MIB1: variants seen among roughly 807,000 people sequenced by gnomAD.
The protein encoded by MIB1 is MIB E3 ubiquitin protein ligase 1, also known as E3 ubiquitin-protein ligase MIB1.
In MIB1, 278 loss-of-function variants were observed where a neutral mutation model predicts 124.5. The ratio of observed to expected loss-of-function variants is 2.23; its 90% CI spans 2.02 to 2.47. The LOEUF (loss-of-function observed/expected upper bound fraction) is 2.47. MIB1 is among the 30% of genes most tolerant of loss of function. MIB1 has a pLI of 0.00. For missense variants in MIB1, 957 were observed against 1,254.4 expected (o/e 0.76, Z 3.58); for synonymous variants, 446 against 429.4 (o/e 1.04, Z -0.48).
intron 15 of MIB1, among the ~76,000 whole-genome samples, chr18:21,845,016 CT>C (rs565684956): frequency 1.3e-3 from 185 of 143,950 alleles, no homozygotes; most frequent in Admixed American, 1.2e-3. Flanking sequence ...TCTTTTCATT[CT>C]TTTTTTTTTT....
chr18:21,748,474 G>T (rs1178737933), intron 1 of MIB1, among the ~76,000 whole-genome samples: 1 of 147,154 alleles, frequency 6.8e-6, no homozygotes. Flanking sequence ...TTGTCCCCCA[G>T]GCCAGAGTGC....
Position 21,849,194 on chromosome 18 carries a change from A to T in MIB1, c.2394-2A>T. The T allele has an allele frequency of 1.3e-6, 2 of 1,523,864 alleles. No homozygotes were observed. The highest frequency in any genetic ancestry group is 1.8e-6 in the Non-Finnish European group (2 of 1,133,408). 94.4% of individuals were successfully genotyped at this position (1,523,864 alleles called of 1,614,324 possible). On this transcript the variant is annotated splice_acceptor_variant, in intron 16 of 20. Coordinates refer to ENST00000261537, the MANE Select transcript of MIB1 (RefSeq NM_020774.4). LOFTEE classifies it high-confidence loss of function. ...TTGATTTGAAATACTTTCTTTTATT[A>T]GTGGTCAAGTGGGTTCTCGGAGTCC...
chr18:21,815,869 A>ATT, intron 11 of MIB1, 56 bp downstream of exon 11: 1 of 1,468,836 alleles, frequency 6.8e-7, no homozygotes, highest in East Asian at 2.3e-5. Flanking sequence ...TATTAAAGGG[A>ATT]AACATTAAGT....
intron 11 of MIB1, among the ~76,000 whole-genome samples, chr18:21,817,217 A>C (rs978541780): frequency 7.9e-6 from 1 of 125,900 alleles, no homozygotes; most frequent in Non-Finnish European, 1.5e-5. Flanking sequence ...GCTGGAATTC[A>C]GTGGCGTGAT....
chr18:21,705,658 T>C (rs1387949965), intron 1 of MIB1, among the ~76,000 whole-genome samples: 1 of 152,222 alleles, frequency 6.6e-6, no homozygotes, highest in Admixed American at 6.5e-5. Context: ...GTCTAGATTA[T>C]GAAAAATGCC....
At chr18:21,713,706 C>G (rs986490581) in intron 1 of MIB1, among the ~76,000 whole-genome samples, 1 of 148,870 alleles carries the variant, frequency 6.7e-6, no homozygotes, top group Non-Finnish European at 1.5e-5. Flanking sequence ...CTTGGCCTCC[C>G]AAAATGCTAG....
intron 6 of MIB1, among the ~76,000 whole-genome samples, chr18:21,781,373 A>ATATATATG (rs1555690748): frequency 3.3e-5 from 1 of 29,914 alleles, no homozygotes; most frequent in East Asian, 1.4e-3. Context: ...AGTTATATAT[A>ATATATATG]TATATATATA....
chr18:21,843,054 C>T, intron 13 of MIB1, 77 bp from the exon 14 acceptor site: 6 of 998,806 alleles, frequency 6.0e-6, no homozygotes, highest in Admixed American at 2.3e-5. Flanking sequence ...TTATTTATTC[C>T]TTATGAGTAG....
At position 21,731,786 on chromosome 18, in the gene MIB1, T is replaced by G. The variant is rs576402599; in HGVS notation, n.167+26663T>G. Among the ~76,000 whole-genome samples, 160 of 148,454 alleles carry G rather than the reference T, an allele frequency of 1.1e-3. No individual in the cohort carries two copies. In the Middle Eastern group the frequency reaches 0.014, roughly 13 times the overall value. On this transcript the variant is annotated intron_variant and non_coding_transcript_variant, in intron 1 of 20. Coordinates refer to the MIB1 transcript ENST00000578646. ...TGTTGTGAACATCTGTGTACAAAACTTTGTATGAATATGGAGACTTCAAAA... is the reference window on the plus strand; with the variant it reads ...TGTTGTGAACATCTGTGTACAAAACGTTGTATGAATATGGAGACTTCAAAA...
intron 13 of MIB1, 58 bp from the exon 14 acceptor site, chr18:21,843,073 T>C (rs770219352): frequency 1.6e-6 from 2 of 1,269,080 alleles, no homozygotes; most frequent in African/African-American, 1.5e-5. Flanking sequence ...AGTTATAGTT[T>C]TCATGTTCTT....
chr18:21,864,307 T>G (rs973931975), intron 20 of MIB1, among the ~76,000 whole-genome samples: 30 of 152,184 alleles, frequency 2.0e-4, no homozygotes, highest in Non-Finnish European at 1.5e-5. Context: ...TTTAATCTTA[T>G]GTAGTACCTT....
At position 21,741,535 on chromosome 18, in the gene MIB1, AGCGGCG is replaced by A. The variant is rs755675508; in HGVS notation, c.-34_-29del. 96 of 1,231,436 alleles carry A rather than the reference AGCGGCG, an allele frequency of 7.8e-5. No individual in the cohort carries two copies. In the Admixed American group the frequency reaches 3.1e-3, roughly 39 times the overall value. The allele number at this position is 1,231,436 out of a possible 1,614,324, so 76.3% of individuals were successfully genotyped here. On this transcript the variant is annotated 5_prime_UTR_variant, in exon 1 of 21. Transcript: ENST00000261537. This position sits in a 1 kb window ranked among gnomAD's most constrained non-coding sequence, Gnocchi z 5.4. Reference sequence around the variant, plus strand: ...ACTCCCTCACGGGCCCCCCGGCGGCAGCGGCGGCGGCGGCGGCGGCAGCGGCGGAGC... The same window carrying A: ...ACTCCCTCACGGGCCCCCCGGCGGCAGCGGCGGCGGCGGCAGCGGCGGAGC...
In MIB1 at chr18:21,857,210, G is replaced by A. The variant is rs147206277; in HGVS notation, c.2746G>A (p.Gly916Arg). 350 of 1,613,852 alleles carry A rather than the reference G, an allele frequency of 2.2e-4. No individual in the cohort carries two copies. Among genetic ancestry groups the A allele is most frequent in the Non-Finnish European group, 2.9e-4 (338 of 1,179,846 alleles). ...RRVPFIMCCG[G>R]KSSEDATDDI... The stretch of plus-strand genomic sequence containing the variant: ...AGTGCCTTTCATTATGTGCTGTGGA[G>A]GGAAAAGTTCAGAAGATGCCACTGA... Residue 916 changes from glycine to arginine, a missense_variant, in exon 19 of 21, where the codon GGG (glycine) becomes AGG (arginine). Physicochemically the swap from Gly to Arg is moderately radical, Grantham distance 125. Transcript: ENST00000261537.
intron 20 of MIB1, among the ~76,000 whole-genome samples, chr18:21,863,208 T>C (rs1490443217): frequency 6.6e-6 from 1 of 152,170 alleles, no homozygotes; most frequent in Non-Finnish European, 1.5e-5. Context: ...CCTGAGGGCA[T>C]GTTAGAGTGC....
At chr18:21,739,932 AAAC>A (rs1326914814), upstream of MIB1, among the ~76,000 whole-genome samples, 35 of 150,828 alleles carry the variant, frequency 2.3e-4, no homozygotes, top group Non-Finnish European at 4.3e-4. Context: ...GCAAAAAAAA[AAAC>A]AACAACAAAA....
At chr18:21,707,395 C>G (rs184151381) in intron 1 of MIB1, among the ~76,000 whole-genome samples, 1 of 152,110 alleles carries the variant, frequency 6.6e-6, no homozygotes, top group Non-Finnish European at 1.5e-5. Flanking sequence ...TGGGTGGGGC[C>G]GATAAGGGAA....
intron 1 of MIB1, 41 bp from the exon 2 acceptor site, chr18:21,765,731 A>C (rs1262545302): frequency 6.4e-7 from 1 of 1,565,882 alleles, no homozygotes; most frequent in East Asian, 2.3e-5. Flanking sequence ...CAAATAAATA[A>C]AATTTGTGAT....
In MIB1 at chr18:21,787,783, G is replaced by C. The variant is rs900954742; in HGVS notation, c.909-3591G>C. On this transcript the variant is annotated intron_variant, in intron 6 of 20. Transcript: ENST00000261537. ...TTTTTTTTTTTTTTTTCGATTTTCTGTTGGGGAGAGTGAAGCCAGATTGTT... is the reference window on the plus strand; with the variant it reads ...TTTTTTTTTTTTTTTTCGATTTTCTCTTGGGGAGAGTGAAGCCAGATTGTT... Among the ~76,000 whole-genome samples, 3 of 142,258 alleles carry C rather than the reference G, an allele frequency of 2.1e-5. No homozygotes were observed. In the Admixed American group the frequency reaches 2.1e-4, roughly 10 times the overall value. The allele number at this position is 142,258 out of a possible 152,430, so 93.3% of individuals were successfully genotyped here. A position where few individuals can be genotyped will look rare whatever the true frequency, so the allele number is the denominator to read the frequency against.
At chr18:21,780,845 A>G (rs965159023) in intron 6 of MIB1, among the ~76,000 whole-genome samples, 1 of 152,134 alleles carries the variant, frequency 6.6e-6, no homozygotes, top group Non-Finnish European at 1.5e-5. Context: ...GGGAGTACAA[A>G]TCTCTCTTTG....
Sources: allele counts gnomAD v4.1 joint callset (sites outside exome capture counted in the v4.1 genomes callset), GRCh38; gene constraint gnomAD v4.1.1; non-coding constraint Gnocchi (gnomAD v3.1); transcripts MANE v1.5; gene names NCBI Gene and HGNC (gene_info 2026-07-23, HGNC 2026-07-21).